KLF8: variants seen among roughly 807,000 people sequenced by gnomAD.
KLF8 encodes KLF transcription factor 8, also known as Krueppel-like factor 8.
KLF8 carries 10 observed loss-of-function variants against 18.2 expected under a neutral mutation model. The ratio of observed to expected loss-of-function variants is 0.55; its 90% confidence interval spans 0.34 to 0.93. The LOEUF is 0.93. Ranked by LOEUF, KLF8 falls within the 40% of genes least tolerant of loss-of-function variation. KLF8 has a pLI of 0.02. For synonymous variants in KLF8, 109 were observed against 97.3 expected (o/e 1.12, Z -0.71); for missense variants, 264 against 277.9 (o/e 0.95, Z 0.36).
chrX:55,968,262 T>C, the KLF8 span, among the ~76,000 whole-genome samples: 1 of 111,327 alleles, frequency 9.0e-6, no homozygotes, highest in Non-Finnish European at 1.9e-5. Context: ...AATAGTAACA[T>C]TGACTGTAAA....
chrX:55,959,142 C>G, the KLF8 span, among the ~76,000 whole-genome samples: 2 of 112,122 alleles, frequency 1.8e-5, no homozygotes, highest in African/African-American at 6.5e-5. Flanking sequence ...GTATGCAGTC[C>G]AAAAGTGCTG....
the KLF8 span, among the ~76,000 whole-genome samples, chrX:56,149,359 C>T: frequency 9.0e-6 from 1 of 111,212 alleles, no homozygotes. Flanking sequence ...CATGTTCTTA[C>T]ATGTAAGTGG....
chrX:55,985,313 C>T, the KLF8 span, among the ~76,000 whole-genome samples: 2 of 111,686 alleles, frequency 1.8e-5, no homozygotes, highest in Non-Finnish European at 3.8e-5. Flanking sequence ...AAGGTGTAAG[C>T]AATTTTTAAT....
chrX:56,006,624 A>G, the KLF8 span, among the ~76,000 whole-genome samples: 2 of 112,493 alleles, frequency 1.8e-5, no homozygotes, highest in Non-Finnish European at 3.8e-5. Flanking sequence ...TCTGTTGGAC[A>G]TTTGTGAGTC....
the KLF8 span, among the ~76,000 whole-genome samples, chrX:56,095,055 G>GA: frequency 2.7e-5 from 3 of 111,080 alleles, no homozygotes; most frequent in African/African-American, 6.5e-5. Flanking sequence ...GCAATCTTGA[G>GA]AAAAAAATGG....
At chrX:56,059,324 T>C in the KLF8 span, among the ~76,000 whole-genome samples, 5 of 112,184 alleles carry the variant, frequency 4.5e-5, no homozygotes, top group South Asian at 3.7e-4. Flanking sequence ...CTGATGATAG[T>C]TTCCTTTGCT....
At chrX:56,133,750 G>T in the KLF8 span, among the ~76,000 whole-genome samples, 1 of 111,401 alleles carries the variant, frequency 9.0e-6, no homozygotes, top group Admixed American at 9.6e-5. Context: ...TGATATGATT[G>T]TATACCTAGA....
chrX:55,996,994 C>T, the KLF8 span, among the ~76,000 whole-genome samples: 1 of 112,004 alleles, frequency 8.9e-6, no homozygotes, highest in Non-Finnish European at 1.9e-5. Context: ...TACATGCACT[C>T]ACCCACAAAG....
the KLF8 span, among the ~76,000 whole-genome samples, chrX:56,102,426 C>G: frequency 1.8e-5 from 2 of 111,349 alleles, no homozygotes; most frequent in East Asian, 5.6e-4. Flanking sequence ...ATTGCTTTGG[C>G]TATTGAGGCT....
the KLF8 span, among the ~76,000 whole-genome samples, chrX:56,138,367 G>A: frequency 0.13 from 13,998 of 110,607 alleles, 1,609 homozygotes; most frequent in African/African-American, 0.37. Flanking sequence ...GAACAAAAAA[G>A]GAAAACTTCA....
the KLF8 span, among the ~76,000 whole-genome samples, chrX:56,024,217 T>A: frequency 2.7e-5 from 3 of 109,345 alleles, no homozygotes; most frequent in Non-Finnish European, 5.7e-5. Flanking sequence ...ATTTCTTTTT[T>A]TTTTTTTTTG....
At chrX:56,266,211 T>C in intron 3 of KLF8, 1 of 756,212 alleles carries the variant, frequency 1.3e-6, no homozygotes, top group African/African-American at 2.3e-5. Flanking sequence ...AGAACAATAT[T>C]TCTATCTCAA....
chrX:56,260,113 TCTC>T (rs766647811), intron 2 of KLF8, among the ~76,000 whole-genome samples: 84 of 111,471 alleles, frequency 7.5e-4, no homozygotes, highest in African/African-American at 2.3e-3. Context: ...CACATTACCT[TCTC>T]CTCTGTGGCT....
chrX:56,032,695 G>A, the KLF8 span, among the ~76,000 whole-genome samples: 6 of 112,143 alleles, frequency 5.4e-5, no homozygotes, highest in Non-Finnish European at 9.4e-5. Flanking sequence ...GTTTTCTATT[G>A]TATGAATATA....
intron 1 of KLF8, among the ~76,000 whole-genome samples, chrX:56,236,681 C>T (rs748016406): frequency 1.3e-4 from 14 of 110,669 alleles, no homozygotes; most frequent in South Asian, 3.8e-4. Context: ...TAATGCATTC[C>T]GCCTGGCTCA....
the KLF8 span, among the ~76,000 whole-genome samples, chrX:56,054,130 T>G: frequency 1.8e-5 from 2 of 110,706 alleles, no homozygotes; most frequent in Non-Finnish European, 3.8e-5. Flanking sequence ...TATTTATTTA[T>G]GTATTTATTT....
chrX:56,181,111 G>A, the KLF8 span, among the ~76,000 whole-genome samples: 2 of 111,312 alleles, frequency 1.8e-5, no homozygotes, highest in Non-Finnish European at 3.8e-5. Flanking sequence ...GTCTTTGTAG[G>A]TCTCTAAGGA....
chrX:56,110,839 T>G, the KLF8 span, among the ~76,000 whole-genome samples: 1 of 111,728 alleles, frequency 9.0e-6, no homozygotes, highest in Non-Finnish European at 1.9e-5. Flanking sequence ...CTTTTAAATC[T>G]TATTGTAAAC....
chrX:56,100,834 T>A, the KLF8 span, among the ~76,000 whole-genome samples: 2 of 112,321 alleles, frequency 1.8e-5, no homozygotes, highest in Non-Finnish European at 3.8e-5. Flanking sequence ...AATAAAGTAC[T>A]TTCATTTTTT....
Sources: gnomAD v4.1 joint callset for allele counts (sites outside exome capture counted in the v4.1 genomes callset) on GRCh38, gnomAD v4.1.1 for gene constraint, MANE v1.5 for transcripts, NCBI Gene and HGNC (gene_info 2026-07-23, HGNC 2026-07-21) for gene names.